ANO4: variants seen among roughly 807,000 people sequenced by gnomAD.
The protein encoded by ANO4 is anoctamin 4.
Under a neutral mutation model 141.9 loss-of-function variants are expected in ANO4, and 69 were observed. That is an observed-to-expected ratio of 0.49 (90% CI 0.40 to 0.59). The LOEUF (loss-of-function observed/expected upper bound fraction) is 0.59, where lower values mean the gene tolerates loss of function less well. ANO4 is among the 20% of genes least tolerant of loss of function. The pLI is 0.00. For missense variants in ANO4, 894 were observed against 1,162.2 expected (o/e 0.77, Z 3.36); for synonymous variants, 350 against 394.3 (o/e 0.89, Z 1.33).
chr12:100,825,485 G>A (rs1199206801), intron 1 of ANO4, among the ~76,000 whole-genome samples: 1 of 151,962 alleles, frequency 6.6e-6, no homozygotes, highest in Admixed American at 6.6e-5. Flanking sequence ...CATCCAAAAT[G>A]GCACCACACT....
intron 1 of ANO4, among the ~76,000 whole-genome samples, chr12:100,858,537 T>TG (rs1291995280): frequency 6.6e-6 from 1 of 152,132 alleles, no homozygotes; most frequent in Non-Finnish European, 1.5e-5. Flanking sequence ...CTTAGAAACT[T>TG]TAAGTTCCCT....
chr12:101,053,368 AT>A (rs1420890734), intron 14 of ANO4, among the ~76,000 whole-genome samples: 4 of 152,208 alleles, frequency 2.6e-5, no homozygotes, highest in African/African-American at 9.7e-5. Context: ...TTGAGTGTGT[AT>A]TAGTTTCCTA....
At chr12:100,890,538 T>C (rs1656814783) in intron 1 of ANO4, among the ~76,000 whole-genome samples, 1 of 152,218 alleles carries the variant, frequency 6.6e-6, no homozygotes, top group Admixed American at 6.5e-5. Context: ...TTTAGTTTTG[T>C]CAAATGATCT....
At chr12:101,079,317 C>T in intron 15 of ANO4, 42 bp downstream of exon 15, 2 of 1,528,456 alleles carry the variant, frequency 1.3e-6, no homozygotes, top group South Asian at 1.1e-5. Flanking sequence ...AAGCAAATCA[C>T]CCAGAACCAC....
At chr12:100,909,087 C>T (rs2040981734) in intron 2 of ANO4, among the ~76,000 whole-genome samples, 2 of 151,994 alleles carry the variant, frequency 1.3e-5, no homozygotes, top group Non-Finnish European at 2.9e-5. Context: ...ATCATTTAGT[C>T]CAAACAAAGA....
At chr12:101,009,824 CT>C (rs1176630021) in intron 8 of ANO4, among the ~76,000 whole-genome samples, 1 of 151,928 alleles carries the variant, frequency 6.6e-6, no homozygotes, top group African/African-American at 2.4e-5. Context: ...CCTTTTTTGT[CT>C]TTCTGGAATT....
At chr12:100,845,413 G>C (rs998282863) in intron 1 of ANO4, among the ~76,000 whole-genome samples, 7 of 152,098 alleles carry the variant, frequency 4.6e-5, no homozygotes, top group Non-Finnish European at 8.8e-5. Flanking sequence ...TAAGGTCTCT[G>C]ACCTCTTTTT....
chr12:100,805,894 A>G (rs545165920), intron 1 of ANO4, among the ~76,000 whole-genome samples: 1 of 152,190 alleles, frequency 6.6e-6, no homozygotes, highest in African/African-American at 2.4e-5. Flanking sequence ...TGTGGCCACA[A>G]GGTCCCTGGG....
intron 26 of ANO4, 97 bp downstream of exon 26, chr12:101,120,722 A>G: frequency 1.1e-6 from 1 of 943,850 alleles, no homozygotes; most frequent in Admixed American, 2.1e-5. Flanking sequence ...GAATGTGATT[A>G]TCTATATTTC....
At chr12:100,755,692 AT>A (rs2032577787) in intron 3 of ANO4, among the ~76,000 whole-genome samples, 1 of 152,102 alleles carries the variant, frequency 6.6e-6, no homozygotes, top group Non-Finnish European at 1.5e-5. Context: ...GTCTTAGCTA[AT>A]AGCAAATTTC....
intron 1 of ANO4, among the ~76,000 whole-genome samples, chr12:100,835,142 G>A (rs1047681629): frequency 6.6e-6 from 1 of 152,158 alleles, no homozygotes; most frequent in Non-Finnish European, 1.5e-5. Flanking sequence ...TAGGCAGAGG[G>A]TGCAGGCTAA....
intron 1 of ANO4, among the ~76,000 whole-genome samples, chr12:100,797,913 A>G (rs552588353): frequency 6.4e-4 from 97 of 152,346 alleles, no homozygotes; most frequent in Middle Eastern, 3.4e-3. Flanking sequence ...TTTAGTAACC[A>G]AACTCCAAAT....
chr12:100,907,516 G>A (rs1007308329), intron 2 of ANO4, among the ~76,000 whole-genome samples: 6 of 152,152 alleles, frequency 3.9e-5, no homozygotes, highest in African/African-American at 1.4e-4. Flanking sequence ...CTCCCAGAAG[G>A]CAGGAACTCT....
At chr12:100,784,274 CT>C (rs757174126) in intron 3 of ANO4, among the ~76,000 whole-genome samples, 10 of 152,150 alleles carry the variant, frequency 6.6e-5, no homozygotes, top group Admixed American at 3.9e-4. Flanking sequence ...TCCTCCTACT[CT>C]TTCTCTAAGT....
At chr12:101,033,602 C>T (rs1013488237) in intron 9 of ANO4, among the ~76,000 whole-genome samples, 10 of 152,076 alleles carry the variant, frequency 6.6e-5, no homozygotes, top group African/African-American at 2.2e-4. Context: ...ATGACAAAAA[C>T]GCCAAAAGCA....
At chr12:100,764,830 T>C (rs1359036064) in intron 3 of ANO4, among the ~76,000 whole-genome samples, 1 of 152,214 alleles carries the variant, frequency 6.6e-6, no homozygotes. Flanking sequence ...GATCATGGTG[T>C]ATAATCTTTA....
intron 14 of ANO4, among the ~76,000 whole-genome samples, chr12:101,056,004 A>G (rs2048101587): frequency 6.6e-6 from 1 of 152,034 alleles, no homozygotes; most frequent in African/African-American, 2.4e-5. Flanking sequence ...CAGAATTTTT[A>G]TTATGTTTGA....
At chr12:101,115,510 A>G (rs1238087288) in intron 24 of ANO4, among the ~76,000 whole-genome samples, 1 of 152,202 alleles carries the variant, frequency 6.6e-6, no homozygotes, top group East Asian at 1.9e-4. Context: ...CATGACTAGA[A>G]ACCAGCAGAA....
intron 6 of ANO4, among the ~76,000 whole-genome samples, chr12:100,971,658 C>T (rs2043940088): frequency 6.6e-6 from 1 of 152,060 alleles, no homozygotes; most frequent in Non-Finnish European, 1.5e-5. Context: ...AAGCATTTTC[C>T]AAGTGGCATT....
Sources: allele counts gnomAD v4.1 joint callset (sites outside exome capture counted in the v4.1 genomes callset), GRCh38; gene constraint gnomAD v4.1.1; transcripts MANE v1.5; gene names NCBI Gene and HGNC (gene_info 2026-07-23, HGNC 2026-07-21).